DNAH14: variants seen among roughly 807,000 people sequenced by gnomAD.
DNAH14 encodes dynein axonemal heavy chain 14, also known as axonemal beta dynein heavy chain 14.
DNAH14 carries 478 observed loss-of-function variants against 520.9 expected under a neutral mutation model. The observed-to-expected ratio is 0.92, with a 90% CI of 0.85 to 0.99. DNAH14 has a LOEUF of 0.99. Among genes scored for constraint, DNAH14 ranks in the 50% least tolerant of loss-of-function variants. The probability of loss-of-function intolerance (pLI) is 0.00; values close to 1 mark genes in which losing one functional copy is unlikely to be tolerated. For missense variants in DNAH14, 4,831 were observed against 5,234.5 expected (o/e 0.92, Z 2.38); for synonymous variants, 1,581 against 1,757.2 (o/e 0.90, Z 2.51).
At position 225,303,323 on chromosome 1, in the gene DNAH14, A is replaced by C; in HGVS notation, c.8799A>C (p.Glu2933Asp). The C allele has an allele frequency of 6.5e-7, 1 of 1,546,284 alleles. No homozygotes were observed. The highest frequency in any genetic ancestry group is 8.7e-7 in the Non-Finnish European group (1 of 1,145,660). Residue 2933 changes from glutamate to aspartate, a missense_variant, in exon 57 of 86, where the codon GAA becomes GAC. Physicochemically the swap from Glu to Asp is conservative, Grantham distance 45. Transcript: ENST00000682510. Reference sequence around the variant, plus strand: ...TTGTAGCTAACTCATTCTTAAAAGAAAAGGTCAATTTTGAGAACAGAGAGG... The same window carrying C: ...TTGTAGCTAACTCATTCTTAAAAGACAAGGTCAATTTTGAGAACAGAGAGG... Reference protein sequence around the residue: ...LLIVANSFLKEKVNFENRENL... With the variant: ...LLIVANSFLKDKVNFENRENL...
intron 15 of DNAH14, among the ~76,000 whole-genome samples, chr1:225,048,406 G>T (rs940798655): frequency 2.0e-5 from 3 of 152,170 alleles, no homozygotes; most frequent in African/African-American, 7.2e-5. Flanking sequence ...GGAGGCTGAG[G>T]CAGGAGGACG....
chr1:225,024,017 T>C, intron 11 of DNAH14, 152 bp downstream of exon 11: 1 of 1,367,186 alleles, frequency 7.3e-7, no homozygotes. Context: ...TAACAGAACT[T>C]ATTATTTGGT....
At chr1:225,034,543 G>GTGTGTGTGTGTA (rs2066798418) in intron 11 of DNAH14, among the ~76,000 whole-genome samples, 1 of 115,690 alleles carries the variant, frequency 8.6e-6, no homozygotes, top group African/African-American at 2.8e-5. Flanking sequence ...GTGTGTGTGT[G>GTGTGTGTGTGTA]TGTGTGTCTG....
Position 224,968,878 on chromosome 1 carries a change from A to T in DNAH14, c.767+4A>T. The T allele has an allele frequency of 6.5e-7, 1 of 1,530,048 alleles. No individual in the cohort carries two copies. Among genetic ancestry groups the T allele is most frequent in the East Asian group, 2.5e-5 (1 of 40,260 alleles). 94.8% of individuals were successfully genotyped at this position (1,530,048 alleles called of 1,614,324 possible). A position where few individuals can be genotyped will look rare whatever the true frequency, so the allele number is the denominator to read the frequency against. On this transcript the variant is annotated splice_donor_region_variant and intron_variant, in intron 7 of 85. Coordinates refer to ENST00000682510, the MANE Select transcript of DNAH14 (RefSeq NM_001367479.1). The stretch of plus-strand genomic sequence containing the variant: ...TCAAGATATTTTCTGATTTCCGGTG[A>T]GGTGAAAAAAATGAAACCAATTCTT...
intron 21 of DNAH14, among the ~76,000 whole-genome samples, chr1:225,087,860 A>G (rs2073981454): frequency 6.6e-6 from 1 of 152,208 alleles, no homozygotes; most frequent in South Asian, 2.1e-4. Context: ...CAACCACTTG[A>G]GAAAATTAGA....
At chr1:225,140,700 T>TA (rs2079365971) in intron 27 of DNAH14, 68 bp from the exon 28 acceptor site, 1 of 1,208,034 alleles carries the variant, frequency 8.3e-7, no homozygotes, top group Non-Finnish European at 1.1e-6. Flanking sequence ...TTAATTTGAA[T>TA]AAAATTTATG....
At chr1:224,976,906 C>G (rs372725417) in intron 8 of DNAH14, among the ~76,000 whole-genome samples, 6,051 of 151,290 alleles carry the variant, frequency 0.04, 352 homozygotes, top group African/African-American at 0.13. Context: ...TAAACTAGTT[C>G]AACCATTGTG....
At chr1:225,058,682 C>T (rs2069526236) in intron 17 of DNAH14, among the ~76,000 whole-genome samples, 1 of 151,992 alleles carries the variant, frequency 6.6e-6, no homozygotes, top group African/African-American at 2.4e-5. Flanking sequence ...CTATAAATTT[C>T]CCTCTACACA....
intron 37 of DNAH14, among the ~76,000 whole-genome samples, chr1:225,187,329 C>T (rs550821764): frequency 3.0e-4 from 45 of 151,960 alleles, no homozygotes; most frequent in African/African-American, 1.0e-3. Flanking sequence ...CCTATCTTCC[C>T]ATTCCCTGGA....
intron 60 of DNAH14, 22 bp from the exon 61 acceptor site, chr1:225,318,561 G>A (rs2094505935): frequency 1.3e-6 from 2 of 1,531,394 alleles, no homozygotes; most frequent in East Asian, 2.5e-5. Flanking sequence ...TATGTGTTTG[G>A]GGACCTATAT....
chr1:225,368,133 G>A lies in DNAH14; in HGVS notation c.12318+101G>A, dbSNP rs533464058. ...ACAAATGTGAGTGTTTTACATGGTG[G>A]TAAGAAAATGAACTCTATAACTAGG... is the stretch of plus-strand genomic sequence containing the variant. On this transcript the variant is annotated intron_variant, in intron 77 of 85. Coordinates refer to ENST00000682510, the MANE Select transcript of DNAH14 (RefSeq NM_001367479.1). The A allele has an allele frequency of 4.4e-5, 46 of 1,042,296 alleles. No homozygotes were observed. In the South Asian group the frequency reaches 7.7e-4, roughly 17 times the overall value. The allele number at this position is 1,042,296 out of a possible 1,614,324, so 64.6% of individuals were successfully genotyped here. A position where few individuals can be genotyped will look rare whatever the true frequency, so the allele number is the denominator to read the frequency against.
intron 71 of DNAH14, among the ~76,000 whole-genome samples, chr1:225,347,786 GA>G (rs1280494755): frequency 2.6e-5 from 4 of 151,928 alleles, no homozygotes; most frequent in Admixed American, 6.6e-5. Context: ...GCCAATCCTG[GA>G]AAAAAAGATA....
Position 225,360,747 on chromosome 1 carries a change from C to T in DNAH14, c.11843C>T (p.Thr3948Ile). 4 of 1,551,682 alleles carry T rather than the reference C, an allele frequency of 2.6e-6. No individual in the cohort carries two copies. Among genetic ancestry groups the T allele is most frequent in the Non-Finnish European group, 3.5e-6 (4 of 1,146,992 alleles). The change falls in exon 75 of 86, where the codon ACC (threonine) becomes ATC (isoleucine). Residue 3948 changes from threonine to isoleucine, a missense_variant. Physicochemically the swap from Thr to Ile is moderately conservative, Grantham distance 89. Coordinates refer to ENST00000682510, the MANE Select transcript of DNAH14 (RefSeq NM_001367479.1). The part of the protein sequence containing the change: ...QELKGTTHHV[T>I]IISLGRDQAA... ...TTAAAAGGAACAACACATCATGTGACCATAATTTCTCTGGGCCGTGACCAA... is the reference window on the plus strand; with the variant it reads ...TTAAAAGGAACAACACATCATGTGATCATAATTTCTCTGGGCCGTGACCAA...
rs573898771 is a variant in DNAH14, at chr1:225,231,158, T to G, written c.6518+7T>G. The G allele has an allele frequency of 4.6e-6, 7 of 1,532,280 alleles. No homozygotes were observed. In the East Asian group the frequency reaches 7.5e-5, roughly 16 times the overall value. 94.9% of individuals were successfully genotyped at this position (1,532,280 alleles called of 1,614,324 possible). A position where few individuals can be genotyped will look rare whatever the true frequency, so the allele number is the denominator to read the frequency against. ...TCAAGGATATAGAAAAGAGGTCAGT[T>G]ACATTCCTTCAGAAAACATGTTTTA... On this transcript the variant is annotated splice_region_variant and intron_variant, in intron 42 of 85. Transcript: ENST00000682510.
At chr1:225,283,143 GA>G (rs1241737948) in intron 54 of DNAH14, among the ~76,000 whole-genome samples, 11 of 151,068 alleles carry the variant, frequency 7.3e-5, no homozygotes, top group South Asian at 2.1e-4. Context: ...GAAACAAAGG[GA>G]AAAAAAATGA....
intron 43 of DNAH14, among the ~76,000 whole-genome samples, chr1:225,252,035 C>A (rs576905588): frequency 3.4e-4 from 52 of 152,182 alleles, no homozygotes; most frequent in Middle Eastern, 3.4e-3. Context: ...TGGTAATAAT[C>A]AAAACTTTGG....
chr1:225,178,335 C>T (rs1446344646), intron 36 of DNAH14, among the ~76,000 whole-genome samples: 2 of 152,154 alleles, frequency 1.3e-5, no homozygotes, highest in Non-Finnish European at 2.9e-5. Flanking sequence ...GCAAAAGGCA[C>T]TTCTTACATG....
At chr1:225,151,836 A>G (rs1011659499) in intron 31 of DNAH14, 169 bp from the exon 32 acceptor site, 1 of 714,546 alleles carries the variant, frequency 1.4e-6, no homozygotes, top group East Asian at 2.7e-5. Context: ...TTGGCTCAGC[A>G]TGAGCCTCCT....
Position 225,144,575 on chromosome 1 carries a change from C to T in DNAH14, c.4687C>T (p.Pro1563Ser). ...ACTACACTTGAATCTAGGAGGCTGT[C>T]CTGCCGGTCCAGCTGGTACAGGAAA... ...EALHLNLGGC[P>S]AGPAGTGKTE... is the part of the protein sequence containing the mutation. Residue 1563 changes from proline (P) to serine (S), a missense_variant, in exon 29 of 86, where the codon CCT (proline) becomes TCT (serine). Pro to Ser is a moderately conservative substitution (Grantham distance 74). Transcript: ENST00000682510. The T allele has an allele frequency of 6.4e-7, 1 of 1,551,450 alleles. No individual in the cohort carries two copies.
Sources: allele counts gnomAD v4.1 joint callset (sites outside exome capture counted in the v4.1 genomes callset), GRCh38; gene constraint gnomAD v4.1.1; transcripts MANE v1.5; gene names NCBI Gene and HGNC (gene_info 2026-07-23, HGNC 2026-07-21).